RSPH10B: variants seen among roughly 807,000 people sequenced by gnomAD.
The protein encoded by RSPH10B is radial spoke head 10 homolog B.
Under a neutral mutation model 52.5 loss-of-function variants are expected in RSPH10B, and 7 were observed. That is an observed-to-expected ratio of 0.13 (90% CI 0.08 to 0.25). The LOEUF is 0.25. RSPH10B is among the 10% of genes least tolerant of loss of function. The probability of loss-of-function intolerance (pLI) is 1.00; values close to 1 mark genes in which losing one functional copy is unlikely to be tolerated. For synonymous variants in RSPH10B, 28 were observed against 193.2 expected (o/e 0.14, Z 7.09); for missense variants, 89 against 542.5 (o/e 0.16, Z 8.30).
intron 13 of RSPH10B, among the ~76,000 whole-genome samples, chr7:5,941,599 C>A (rs1780189870): frequency 6.7e-6 from 1 of 148,568 alleles, no homozygotes; most frequent in South Asian, 2.1e-4. Flanking sequence ...CAAAAATTAA[C>A]TTGGCATGGT....
At chr7:5,928,371 C>G in exon 18 of RSPH10B, 1 of 1,613,264 alleles carries the variant, frequency 6.2e-7, no homozygotes, top group Non-Finnish European at 8.5e-7. Context: ...TCCTCTCGAT[C>G]ATCCTTGGGT....
chr7:5,960,284 A>G (rs1375848593), intron 4 of RSPH10B, among the ~76,000 whole-genome samples: 1 of 26,410 alleles, frequency 3.8e-5, no homozygotes, highest in African/African-American at 2.0e-4. Flanking sequence ...GTGGTGGTGC[A>G]CACCTGTAGT....
intron 13 of RSPH10B, chr7:5,943,112 A>G: frequency 9.3e-7 from 1 of 1,079,866 alleles, no homozygotes; most frequent in South Asian, 1.6e-5. Context: ...CTAATCTGTT[A>G]GCATATTGGG....
At chr7:5,927,054 G>GTGTGTATATATA (rs1562553122) in intron 18 of RSPH10B, among the ~76,000 whole-genome samples, 2 of 77,184 alleles carry the variant, frequency 2.6e-5, no homozygotes, top group Admixed American at 1.2e-4. Context: ...TGTATTATGT[G>GTGTGTATATATA]TGTGTGTGTG....
intron 13 of RSPH10B, among the ~76,000 whole-genome samples, chr7:5,942,084 G>C (rs1248890808): frequency 6.7e-6 from 1 of 148,696 alleles, no homozygotes; most frequent in Non-Finnish European, 1.5e-5. Flanking sequence ...TAGTCGAAAG[G>C]GGGTTTCACA....
chr7:5,929,016 TTTC>T, intron 17 of RSPH10B, among the ~76,000 whole-genome samples: 1 of 146,478 alleles, frequency 6.8e-6, no homozygotes, highest in African/African-American at 2.6e-5. Flanking sequence ...CTCTTGCTTT[TTTC>T]TTTTTTTTTT....
chr7:5,957,788 A>T, intron 6 of RSPH10B, 119 bp downstream of exon 8: 1 of 1,371,012 alleles, frequency 7.3e-7, no homozygotes, highest in Non-Finnish European at 9.6e-7. Context: ...AGACAGAGAG[A>T]GACTCTGTCT....
At position 5,937,419 on chromosome 7, in the gene RSPH10B, T is replaced by TTTG. The variant is rs1445498808; in HGVS notation, c.2010+336_2010+338dup. ...CTTTTTGTTTGTTTGGTTTTTTTGT[T>TTTG]TTGTTTTGAGAAGTCTTGCTCTGAC... is the stretch of plus-strand genomic sequence containing the variant. On this transcript the variant is annotated intron_variant, in intron 15 of 18. Transcript: ENST00000337579. Among the ~76,000 whole-genome samples the TTTG allele has an allele frequency of 2.0e-4, 24 of 122,148 alleles. No homozygotes were observed. In the East Asian group the frequency reaches 4.3e-3, roughly 22 times the overall value. The allele number at this position is 122,148 out of a possible 152,430, so 80.1% of individuals were successfully genotyped here.
intron 3 of RSPH10B, among the ~76,000 whole-genome samples, chr7:5,961,444 G>A (rs1358246259): frequency 7.7e-6 from 1 of 129,358 alleles, no homozygotes; most frequent in Non-Finnish European, 1.7e-5. Context: ...GGTTCAAGCA[G>A]TTCTCCTGCC....
Position 5,944,481 on chromosome 7 carries a change from A to G in RSPH10B, c.1530-491T>C, listed in dbSNP as rs554266091. Among the ~76,000 whole-genome samples the G allele has an allele frequency of 4.6e-4, 69 of 148,672 alleles. 2 individuals are homozygous for G. The highest frequency in any genetic ancestry group is 1.1e-3 in the African/African-American group (44 of 39,568). On this transcript the variant is annotated intron_variant, in intron 11 of 18. Coordinates refer to ENST00000337579, the Ensembl canonical transcript of RSPH10B. Reference sequence around the variant, plus strand: ...TGTAAGAAAGACAAGAAATTCTGACATAAGAAAGAAGACTTGGTTGTGACT... The same window carrying G: ...TGTAAGAAAGACAAGAAATTCTGACGTAAGAAAGAAGACTTGGTTGTGACT...
chr7:5,928,527 G>C, intron 17 of RSPH10B, 133 bp from the exon 20 acceptor site: 2 of 1,384,000 alleles, frequency 1.4e-6, no homozygotes, highest in Non-Finnish European at 2.0e-6. Context: ...AGAGGAGTAA[G>C]GACGCTGCTT....
chr7:5,932,040 A>G (rs564914731), intron 17 of RSPH10B, among the ~76,000 whole-genome samples: 1 of 148,526 alleles, frequency 6.7e-6, no homozygotes, highest in South Asian at 2.1e-4. Context: ...GGCTTGTTTA[A>G]TCATGAAAAC....
At chr7:5,955,232 T>C (rs1399842387) in intron 7 of RSPH10B, among the ~76,000 whole-genome samples, 2 of 106,146 alleles carry the variant, frequency 1.9e-5, no homozygotes, top group Non-Finnish European at 3.9e-5. Context: ...ACAAAACAGA[T>C]AATGTAATTT....
chr7:5,961,340 G>A (rs1223454148), intron 3 of RSPH10B, among the ~76,000 whole-genome samples: 2 of 146,684 alleles, frequency 1.4e-5, no homozygotes, highest in Non-Finnish European at 3.1e-5. Flanking sequence ...GATTTTATTT[G>A]TTTTTGTTTT....
intron 18 of RSPH10B, among the ~76,000 whole-genome samples, chr7:5,927,064 G>GTGTGTA (rs1779504888): frequency 3.9e-5 from 4 of 103,880 alleles, no homozygotes; most frequent in South Asian, 2.8e-4. Flanking sequence ...GTGTGTGTGT[G>GTGTGTA]TGTATATGTG....
intron 3 of RSPH10B, among the ~76,000 whole-genome samples, chr7:5,964,091 CT>C (rs1161455700): frequency 7.0e-6 from 1 of 143,880 alleles, no homozygotes; most frequent in African/African-American, 2.5e-5. Flanking sequence ...GACTCACTAA[CT>C]AACTAAGTAA....
intron 13 of RSPH10B, among the ~76,000 whole-genome samples, chr7:5,941,315 T>A (rs1218909677): frequency 7.1e-6 from 1 of 141,604 alleles, no homozygotes; most frequent in Non-Finnish European, 1.6e-5. Flanking sequence ...AAAACAAAAC[T>A]ATTTTCCTAT....
intron 7 of RSPH10B, among the ~76,000 whole-genome samples, chr7:5,955,089 C>T (rs1292669085): frequency 3.6e-5 from 5 of 138,350 alleles, no homozygotes; most frequent in African/African-American, 7.8e-5. Context: ...CACTTGCGCC[C>T]GGGAGGCAGA....
At position 5,944,347 on chromosome 7, in the gene RSPH10B, G is replaced by A. The variant is rs1226796612; in HGVS notation, c.1530-357C>T. On this transcript the variant is annotated intron_variant, in intron 11 of 18. Coordinates refer to ENST00000337579, the Ensembl canonical transcript of RSPH10B. The stretch of plus-strand genomic sequence containing the variant: ...TGGGAGGTGGAGGTTGCAGTGAGCC[G>A]AGATCGCGCCACTGCACTCCAGCCT... Among the ~76,000 whole-genome samples, 8 of 150,750 alleles carry A rather than the reference G, an allele frequency of 5.3e-5. No individual in the cohort carries two copies. In the South Asian group the frequency reaches 8.3e-4, roughly 16 times the overall value.
Sources: gnomAD v4.1 joint callset for allele counts (sites outside exome capture counted in the v4.1 genomes callset) on GRCh38, gnomAD v4.1.1 for gene constraint, MANE v1.5 for transcripts, NCBI Gene and HGNC (gene_info 2026-07-23, HGNC 2026-07-21) for gene names.